Variants in LPIN2 observed in about 807,000 individuals in gnomAD.
The protein encoded by LPIN2 is phosphatidate phosphatase LPIN2.
LPIN2 carries 55 observed loss-of-function variants against 111.4 expected under a neutral mutation model. That is an observed-to-expected ratio of 0.49 (90% CI 0.40 to 0.62). LPIN2 has a LOEUF of 0.62. Among genes scored for constraint, LPIN2 ranks in the 20% least tolerant of loss-of-function variants. LPIN2 has a pLI of 0.00. For synonymous variants in LPIN2, 425 were observed against 414.0 expected (o/e 1.03, Z -0.32); for missense variants, 992 against 1,112.1 (o/e 0.89, Z 1.54).
chr18:2,924,102 CTT>C (rs2077096058), intron 15 of LPIN2, among the ~76,000 whole-genome samples: 1 of 152,216 alleles, frequency 6.6e-6, no homozygotes, highest in African/African-American at 2.4e-5. Flanking sequence ...GACTGCCACA[CTT>C]TCTCTTTTCC....
intron 1 of LPIN2, among the ~76,000 whole-genome samples, chr18:2,987,171 T>C (rs532741101): frequency 1.3e-5 from 2 of 152,326 alleles, no homozygotes; most frequent in Admixed American, 1.3e-4. Context: ...CTTACTATCA[T>C]CAAATTTTAA....
intron 7 of LPIN2, 98 bp from the exon 8 acceptor site, chr18:2,934,548 G>A (rs1169974294): frequency 5.1e-6 from 4 of 779,964 alleles, no homozygotes; most frequent in Non-Finnish European, 8.9e-6. Context: ...GTGACAAGCA[G>A]GATTTGAATA....
At chr18:2,999,809 A>G (rs2078403930) in intron 1 of LPIN2, among the ~76,000 whole-genome samples, 1 of 152,118 alleles carries the variant, frequency 6.6e-6, no homozygotes, top group Non-Finnish European at 1.5e-5. Context: ...GGAAATTAAC[A>G]CACAATTGTA....
At chr18:2,996,860 TG>T (rs1036927894) in intron 1 of LPIN2, among the ~76,000 whole-genome samples, 45 of 152,238 alleles carry the variant, frequency 3.0e-4, no homozygotes, top group African/African-American at 1.1e-3. Flanking sequence ...AAGCATCATT[TG>T]GTTCTACAAA....
intron 1 of LPIN2, among the ~76,000 whole-genome samples, chr18:2,973,333 C>A (rs1477910436): frequency 6.6e-6 from 1 of 152,200 alleles, no homozygotes; most frequent in Non-Finnish European, 1.5e-5. Context: ...TCCAAAATGC[C>A]CAAACCCATC....
intron 14 of LPIN2, 115 bp from the exon 15 acceptor site, chr18:2,924,661 C>T (rs1169677216): frequency 3.3e-5 from 37 of 1,117,714 alleles, no homozygotes; most frequent in Middle Eastern, 5.4e-4. Context: ...GGATGGTTTC[C>T]GGGGTCTTAG....
At chr18:2,923,913 C>T (rs2077093330) in intron 15 of LPIN2, 52 bp from the exon 16 acceptor site, 11 of 1,446,652 alleles carry the variant, frequency 7.6e-6, no homozygotes, top group African/African-American at 1.4e-5. Flanking sequence ...ACACATACAG[C>T]GTTTTCCTAT....
chr18:2,997,163 G>A (rs760195930), intron 1 of LPIN2, among the ~76,000 whole-genome samples: 12 of 152,080 alleles, frequency 7.9e-5, no homozygotes, highest in Non-Finnish European at 7.4e-5. Flanking sequence ...TGTATTTTTA[G>A]TAGAAACGGG....
intron 1 of LPIN2, among the ~76,000 whole-genome samples, chr18:2,991,340 G>A (rs2078262493): frequency 6.6e-6 from 1 of 152,168 alleles, no homozygotes; most frequent in African/African-American, 2.4e-5. Flanking sequence ...AAGAAAACTG[G>A]AGAAACTGAA....
intron 7 of LPIN2, 58 bp downstream of exon 7, chr18:2,937,634 T>C (rs1206746516): frequency 1.1e-5 from 15 of 1,414,148 alleles, no homozygotes; most frequent in Non-Finnish European, 1.5e-5. Context: ...TGTGGAACAC[T>C]GAAATAATTT....
At chr18:2,996,676 A>C (rs1329419703) in intron 1 of LPIN2, among the ~76,000 whole-genome samples, 1 of 151,038 alleles carries the variant, frequency 6.6e-6, no homozygotes, top group African/African-American at 2.4e-5. Flanking sequence ...ACGGGGTTTC[A>C]CCGTGTTAGC....
intron 1 of LPIN2, among the ~76,000 whole-genome samples, chr18:2,987,603 C>T (rs757041314): frequency 2.6e-5 from 4 of 152,098 alleles, no homozygotes; most frequent in Non-Finnish European, 5.9e-5. Context: ...AAGATTTTCT[C>T]GACCACCTGA....
chr18:2,917,229 C>T lies in LPIN2; in HGVS notation c.*3064G>A, dbSNP rs1162542670. On this transcript the variant is annotated 3_prime_UTR_variant, in exon 20 of 20. Transcript: ENST00000677752. Reference sequence around the variant, plus strand: ...AATTATTAAAAGAGCAAAGTTTCCCCTCCCTTTCTTACTTTCAAACAAAAC... The same window carrying T: ...AATTATTAAAAGAGCAAAGTTTCCCTTCCCTTTCTTACTTTCAAACAAAAC... The T allele has an allele frequency of 6.6e-6, 1 of 152,184 alleles. No individual in the cohort carries two copies. The highest frequency in any genetic ancestry group is 2.4e-5 in the African/African-American group (1 of 41,444). 9.4% of individuals were successfully genotyped at this position (152,184 alleles called of 1,614,324 possible).
chr18:2,920,122 T>C lies in LPIN2; in HGVS notation c.*171A>G. ...CCTTCCAGGAGCTGAGCTGCAGACC[T>C]GCCGAGCCTGAGCAGCTGGCCTGGG... On this transcript the variant is annotated 3_prime_UTR_variant, in exon 20 of 20. Coordinates refer to ENST00000677752, the MANE Select transcript of LPIN2 (RefSeq NM_001375808.2). 1 of 824,624 alleles carries C rather than the reference T, an allele frequency of 1.2e-6. No homozygotes were observed. The highest frequency in any genetic ancestry group is 1.9e-6 in the Non-Finnish European group (1 of 514,398). 51.1% of individuals were successfully genotyped at this position (824,624 alleles called of 1,614,324 possible). A position where few individuals can be genotyped will look rare whatever the true frequency, so the allele number is the denominator to read the frequency against.
intron 1 of LPIN2, among the ~76,000 whole-genome samples, chr18:2,987,160 TCTTA>T (rs1951468557): frequency 6.6e-6 from 1 of 152,190 alleles, no homozygotes; most frequent in Admixed American, 6.5e-5. Context: ...GAAATGCAAG[TCTTA>T]CTATCATCAA....
rs186067725 is a variant in LPIN2 at position 2,934,127 on chromosome 18, C to T, written c.1268+224G>A. Among the ~76,000 whole-genome samples the T allele has an allele frequency of 1.0e-3, 156 of 152,308 alleles. No homozygotes were observed. The highest frequency in any genetic ancestry group is 4.1e-4 in the Non-Finnish European group (28 of 68,028). ...TTATGTAGGTTTAACTAGTATATCT[C>T]TCCTCATTGTATTGAAAATGTCTTC... On this transcript the variant is annotated intron_variant, in intron 8 of 19. Transcript: ENST00000677752.
chr18:2,964,857 A>G (rs949677856), intron 1 of LPIN2, among the ~76,000 whole-genome samples: 2 of 152,212 alleles, frequency 1.3e-5, no homozygotes, highest in African/African-American at 2.4e-5. Context: ...ACAACACACC[A>G]AAGAATTTAT....
intron 1 of LPIN2, among the ~76,000 whole-genome samples, chr18:2,991,479 G>C (rs894854286): frequency 2.0e-5 from 3 of 151,884 alleles, no homozygotes; most frequent in Non-Finnish European, 4.4e-5. Context: ...GGCGGACTAA[G>C]GTGGGAGGAT....
At chr18:2,994,168 A>C (rs1189423119) in intron 1 of LPIN2, among the ~76,000 whole-genome samples, 1 of 152,236 alleles carries the variant, frequency 6.6e-6, no homozygotes, top group Admixed American at 6.5e-5. Context: ...CTCAGGTACC[A>C]ATACTGCCTT....
Sources: allele counts gnomAD v4.1 joint callset (sites outside exome capture counted in the v4.1 genomes callset), GRCh38; gene constraint gnomAD v4.1.1; transcripts MANE v1.5; gene names NCBI Gene and HGNC (gene_info 2026-07-23, HGNC 2026-07-21).